Variants in PCDHGB3 observed in about 807,000 individuals in gnomAD.
The protein encoded by PCDHGB3 is protocadherin gamma-B3.
Under a neutral mutation model 59.2 loss-of-function variants are expected in PCDHGB3, and 40 were observed. The ratio of observed to expected loss-of-function variants is 0.68; its 90% CI spans 0.52 to 0.88. The LOEUF is 0.88. Ranked by LOEUF, PCDHGB3 falls within the 40% of genes least tolerant of loss-of-function variation. The pLI, the probability that PCDHGB3 is intolerant of heterozygous loss-of-function variation, is 0.00. For missense variants in PCDHGB3, 1,309 were observed against 1,187.9 expected, an observed-to-expected ratio of 1.10 and a Z score of -1.50; for synonymous variants, 581 against 503.6, an observed-to-expected ratio of 1.15 and a Z score of -2.06.
chr5:141,415,048 G>C lies in PCDHGB3; in HGVS notation c.2415+42239G>C, dbSNP rs535976406. The C allele has an allele frequency of 5.0e-5, 80 of 1,613,320 alleles. 1 individual carries two copies. The Admixed American group carries it at 6.0e-4, about 12-fold the overall frequency. ...CGAGCCGGGACTCTTCGCGGTGGGG[G>C]AGCACACGGGCGAGGTGCGCACGGC... is the stretch of plus-strand genomic sequence containing the variant. On this transcript the variant is annotated intron_variant, in intron 1 of 3. Transcript: ENST00000576222.
Position 141,490,310 on chromosome 5 carries a change from AC to A in PCDHGB3, c.2416-4494del. 1 of 1,614,084 alleles carries A rather than the reference AC, an allele frequency of 6.2e-7. No homozygotes were observed. The highest frequency in any genetic ancestry group is 8.5e-7 in the Non-Finnish European group (1 of 1,180,012). ...GAGGTGCTATTGGCCTCTTTGGCCA[AC>A]CCTGTCCTAGAGAGCACACCAGTGG... is the stretch of plus-strand genomic sequence containing the variant. On this transcript the variant is annotated intron_variant, in intron 1 of 3. Transcript: ENST00000576222. This position sits in a 1 kb window ranked among gnomAD's most constrained non-coding sequence, Gnocchi z 5.4.
In PCDHGB3 at chr5:141,485,520, T is replaced by G. The variant is rs2099615008; in HGVS notation, c.2416-9287T>G. On this transcript the variant is annotated intron_variant, in intron 1 of 3. Transcript: ENST00000576222. This position sits in a 1 kb window ranked among gnomAD's most constrained non-coding sequence, Gnocchi z 5.7. ...TTTGTCACCGAAGGTCCTTTGGAAA[T>G]GTACCGAGCAGAGGTAGAGATCGTA... 1 of 1,614,108 alleles carries G rather than the reference T, an allele frequency of 6.2e-7. No homozygotes were observed. The highest frequency in any genetic ancestry group is 8.5e-7 in the Non-Finnish European group (1 of 1,180,012).
rs781500930 is a variant in PCDHGB3, at chr5:141,376,588, TC to T, written c.2415+3780del. 8 of 1,575,434 alleles carry T rather than the reference TC, an allele frequency of 5.1e-6. No homozygotes were observed. The South Asian group carries it at 8.1e-5, about 16-fold the overall frequency. ...TAATCAGACAGGCTCATCAGCTAGA[TC>T]GGCTGTTATAGAAGCGAACCTCTTT... On this transcript the variant is annotated intron_variant, in intron 1 of 3. Transcript: ENST00000576222.
intron 1 of PCDHGB3, chr5:141,382,881 C>G (rs780011802): frequency 6.5e-7 from 1 of 1,527,170 alleles, no homozygotes; most frequent in South Asian, 1.3e-5. Context: ...GGCGCCTAAG[C>G]AAGAGAAGCA....
At chr5:141,502,030 C>T (rs1031787021) in intron 2 of PCDHGB3, among the ~76,000 whole-genome samples, 4 of 152,180 alleles carry the variant, frequency 2.6e-5, no homozygotes, top group Non-Finnish European at 4.4e-5. Flanking sequence ...CAACCCCCGC[C>T]GCTTGCCTGC....
At chr5:141,416,832 A>T (rs2154546669) in intron 1 of PCDHGB3, 1 of 152,168 alleles carries the variant, frequency 6.6e-6, no homozygotes, top group East Asian at 1.9e-4. Context: ...GTTTCTCAAG[A>T]CCCTTATAAT....
Position 141,491,170 on chromosome 5 carries a change from G to A in PCDHGB3, c.2416-3637G>A. The stretch of plus-strand genomic sequence containing the variant: ...GGAGGATGACTCTGACACCCAGCAG[G>A]TGGTGGTCCTGGTGAGGGACAATGG... On this transcript the variant is annotated intron_variant, in intron 1 of 3. Coordinates refer to ENST00000576222, the MANE Select transcript of PCDHGB3 (RefSeq NM_018924.5). The surrounding 1 kb of genome is among the most constrained non-coding windows in gnomAD (Gnocchi z 6.9). 6.2e-7 allele frequency: 1 copy of A among 1,614,176 alleles called. No individual in the cohort carries two copies. Among genetic ancestry groups the A allele is most frequent in the Non-Finnish European group, 8.5e-7 (1 of 1,179,996 alleles).
In PCDHGB3 at chr5:141,490,889, T is replaced by G. The variant is rs568838001; in HGVS notation, c.2416-3918T>G. The G allele has an allele frequency of 6.2e-7, 1 of 1,613,406 alleles. No homozygotes were observed. Among genetic ancestry groups the G allele is most frequent in the Non-Finnish European group, 8.5e-7 (1 of 1,179,428 alleles). ...CCCCCATTGCATGCCAACACATCTCTGCATGTGTTTGTCCTAGACGAGAAT... is the reference window on the plus strand; with the variant it reads ...CCCCCATTGCATGCCAACACATCTCGGCATGTGTTTGTCCTAGACGAGAAT... On this transcript the variant is annotated intron_variant, in intron 1 of 3. Coordinates refer to ENST00000576222, the MANE Select transcript of PCDHGB3 (RefSeq NM_018924.5). This position sits in a 1 kb window ranked among gnomAD's most constrained non-coding sequence, Gnocchi z 5.4.
chr5:141,472,980 CAA>C (rs60579131), intron 1 of PCDHGB3, among the ~76,000 whole-genome samples: 879 of 86,072 alleles, frequency 0.01, 5 homozygotes, highest in African/African-American at 0.015. Context: ...GAGTGAAACT[CAA>C]AAAAAAAAAA....
intron 2 of PCDHGB3, among the ~76,000 whole-genome samples, chr5:141,504,369 A>G (rs968327872): frequency 6.6e-5 from 10 of 152,272 alleles, no homozygotes; most frequent in Non-Finnish European, 1.2e-4. Context: ...AGTAGGAAGC[A>G]GGTGGAGTCG....
chr5:141,459,529 G>A (rs1201996126), intron 1 of PCDHGB3, among the ~76,000 whole-genome samples: 2 of 152,134 alleles, frequency 1.3e-5, no homozygotes, highest in African/African-American at 2.4e-5. Context: ...ATTTTTGTAG[G>A]CATATTTTTT....
intron 1 of PCDHGB3, among the ~76,000 whole-genome samples, chr5:141,464,251 C>T (rs1438610569): frequency 1.4e-5 from 2 of 141,396 alleles, no homozygotes; most frequent in Admixed American, 7.5e-5. Flanking sequence ...GGCTACAGAG[C>T]GAGACTCCGT....
Position 141,423,286 on chromosome 5 carries a change from ACCT to A in PCDHGB3, c.2415+50479_2415+50481del, listed in dbSNP as rs554024395. 8.7e-3 allele frequency: 13,966 copies of A among 1,613,746 alleles called. 98 individuals are homozygous for A. The highest frequency in any genetic ancestry group is 0.011 in the Middle Eastern group (68 of 6,062). ...CCTCGAGTCTCTGGCTAACTCTGAAACCTCAGACCTCTCGCTGTACTTGGTGGT... is the reference window on the plus strand; with the variant it reads ...CCTCGAGTCTCTGGCTAACTCTGAAACAGACCTCTCGCTGTACTTGGTGGT... On this transcript the variant is annotated intron_variant, in intron 1 of 3. Transcript: ENST00000576222.
chr5:141,425,714 A>G (rs1259037833), intron 1 of PCDHGB3, among the ~76,000 whole-genome samples: 1 of 152,218 alleles, frequency 6.6e-6, no homozygotes, highest in African/African-American at 2.4e-5. Context: ...AAATTTTCCC[A>G]TACCACTTGA....
rs1285653916 is a variant in PCDHGB3, at chr5:141,388,617, G to A, written c.2415+15808G>A. ...TGATAATGCTCCAGTGTTCAGTCAA[G>A]ACGTATACAGGGTGAGCCTTTCAGA... is the stretch of plus-strand genomic sequence containing the variant. On this transcript the variant is annotated intron_variant, in intron 1 of 3. Coordinates refer to ENST00000576222, the MANE Select transcript of PCDHGB3 (RefSeq NM_018924.5). The A allele has an allele frequency of 3.1e-6, 5 of 1,613,920 alleles. No individual in the cohort carries two copies. The South Asian group carries it at 5.5e-5, about 18-fold the overall frequency.
chr5:141,477,212 C>CCTCT lies in PCDHGB3; in HGVS notation c.2416-17594_2416-17591dup. 6.2e-7 allele frequency: 1 copy of CCTCT among 1,614,166 alleles called. No homozygotes were observed. The highest frequency in any genetic ancestry group is 8.5e-7 in the Non-Finnish European group (1 of 1,180,042). The stretch of plus-strand genomic sequence containing the variant: ...GTACAGCCCAGTACCCGAGGATGCC[C>CCTCT]CTCTGGGGACTGTCATCGCTTTGCT... On this transcript the variant is annotated intron_variant, in intron 1 of 3. Coordinates refer to ENST00000576222, the MANE Select transcript of PCDHGB3 (RefSeq NM_018924.5). This position sits in a 1 kb window ranked among gnomAD's most constrained non-coding sequence, Gnocchi z 4.9.
intron 1 of PCDHGB3, chr5:141,392,814 A>G: frequency 2.5e-6 from 4 of 1,585,078 alleles, no homozygotes; most frequent in South Asian, 2.3e-5. Flanking sequence ...CAAAACAACA[A>G]TGGCCGCTCC....
intron 1 of PCDHGB3, among the ~76,000 whole-genome samples, chr5:141,474,643 CCTTA>C (rs1474125632): frequency 1.3e-5 from 2 of 152,134 alleles, no homozygotes; most frequent in Admixed American, 1.3e-4. Flanking sequence ...TCCTATATAT[CCTTA>C]CTTCTTTTCT....
chr5:141,436,590 C>T (rs1050788291), intron 1 of PCDHGB3, among the ~76,000 whole-genome samples: 10 of 152,102 alleles, frequency 6.6e-5, no homozygotes, highest in East Asian at 1.9e-4. Context: ...TTTGAAAGGT[C>T]GTGGTGATGG....
Sources: allele counts gnomAD v4.1 joint callset (sites outside exome capture counted in the v4.1 genomes callset), GRCh38; gene constraint gnomAD v4.1.1; non-coding constraint Gnocchi (gnomAD v3.1); transcripts MANE v1.5; gene names NCBI Gene and HGNC (gene_info 2026-07-23, HGNC 2026-07-21).